The following CACNA1C variants were observed in gnomAD, a reference collection of about 807,000 sequenced individuals.
The protein encoded by CACNA1C is calcium voltage-gated channel subunit alpha1 C.
A neutral mutation model predicts 229.0 loss-of-function variants in CACNA1C; 30 were observed. That is an observed-to-expected ratio of 0.13 (90% CI 0.10 to 0.18). The LOEUF (loss-of-function observed/expected upper bound fraction) is 0.18, where lower values mean the gene tolerates loss of function less well. Ranked by LOEUF, CACNA1C falls within the 10% of genes least tolerant of loss-of-function variation. The pLI is 1.00. For synonymous variants in CACNA1C, 1,114 were observed against 1,132.5 expected, an observed-to-expected ratio of 0.98 and a Z score of 0.33; for missense variants, 1,658 against 2,845.0, an observed-to-expected ratio of 0.58 and a Z score of 9.49.
chr12:2,264,640 T>C (rs1413758550), intron 3 of CACNA1C, among the ~76,000 whole-genome samples: 1 of 152,246 alleles, frequency 6.6e-6, no homozygotes, highest in Admixed American at 6.5e-5. Context: ...GGTTTTTTAC[T>C]GCCCGATCAG....
intron 3 of CACNA1C, among the ~76,000 whole-genome samples, chr12:2,283,580 C>T (rs2154440397): frequency 6.6e-6 from 1 of 152,314 alleles, no homozygotes; most frequent in East Asian, 1.9e-4. Flanking sequence ...TAGCACCCAG[C>T]ACAGTGCCCG....
intron 3 of CACNA1C, among the ~76,000 whole-genome samples, chr12:2,389,264 G>T (rs2098445841): frequency 6.6e-6 from 1 of 152,072 alleles, no homozygotes. Context: ...GAGATGTGTT[G>T]ATCACCGGTG....
chr12:2,588,427 C>G (rs2063542873), intron 18 of CACNA1C, among the ~76,000 whole-genome samples: 1 of 152,246 alleles, frequency 6.6e-6, no homozygotes, highest in African/African-American at 2.4e-5. Flanking sequence ...CTGTCTCTCT[C>G]TTGCCCTGTC....
intron 25 of CACNA1C, 90 bp downstream of exon 25, chr12:2,606,753 C>A: frequency 1.7e-6 from 2 of 1,195,016 alleles, no homozygotes; most frequent in Non-Finnish European, 2.4e-6. Flanking sequence ...AGCTCATTTT[C>A]TAAGACTGCA....
intron 3 of CACNA1C, among the ~76,000 whole-genome samples, chr12:2,422,347 T>C (rs1389171712): frequency 2.0e-5 from 3 of 152,188 alleles, no homozygotes; most frequent in South Asian, 4.1e-4. Flanking sequence ...CAGAATCATT[T>C]CTGCAGACAA....
intron 1 of CACNA1C, among the ~76,000 whole-genome samples, chr12:2,045,206 A>G (rs2050851324): frequency 1.3e-5 from 2 of 152,216 alleles, no homozygotes; most frequent in African/African-American, 2.4e-5. Flanking sequence ...CTTAGAATGC[A>G]TTCACAGAAG....
chr12:2,196,108 A>T (rs1186141967), intron 3 of CACNA1C, among the ~76,000 whole-genome samples: 1 of 152,138 alleles, frequency 6.6e-6, no homozygotes, highest in East Asian at 1.9e-4. Flanking sequence ...TGCTTTAGAG[A>T]TTATGATGTA....
In CACNA1C at chr12:2,566,577, T is replaced by C. The variant is rs2051001363; in HGVS notation, c.1664T>C (p.Val555Ala). 2 of 1,595,886 alleles carry C rather than the reference T, an allele frequency of 1.3e-6. No homozygotes were observed. The highest frequency in any genetic ancestry group is 2.7e-5 in the African/African-American group (2 of 74,396). The stretch of plus-strand genomic sequence containing the variant: ...AACCAGCCCAACTGGCTCACAGAAG[T>C]CCAAGGTGAGCGGCGGCCCCAGCTC... ...HYNQPNWLTEVQDTANKALLA... is the reference protein window; with the variant it reads ...HYNQPNWLTEAQDTANKALLA... Residue 555 changes from valine to alanine, a missense_variant, in exon 12 of 47, where the codon GTC becomes GCC. Val to Ala is a moderately conservative substitution (Grantham distance 64, BLOSUM62 0). Around this residue, in one of 20 missense-constraint regions of CACNA1C, gnomAD observed 149 missense variants for 194.2 expected, o/e 0.77. Coordinates refer to ENST00000399655, the MANE Select transcript of CACNA1C (RefSeq NM_000719.7). The surrounding 1 kb of genome is among the most constrained non-coding windows in gnomAD (Gnocchi z 4.0).
intron 3 of CACNA1C, among the ~76,000 whole-genome samples, chr12:2,372,056 GT>G (rs749269676): frequency 6.6e-6 from 1 of 152,104 alleles, no homozygotes; most frequent in Non-Finnish European, 1.5e-5. Flanking sequence ...TTGGTTGGTT[GT>G]TTATCATTTG....
chr12:2,284,199 C>T (rs2092194132), intron 3 of CACNA1C, among the ~76,000 whole-genome samples: 1 of 151,934 alleles, frequency 6.6e-6, no homozygotes, highest in Non-Finnish European at 1.5e-5. Context: ...GTTGGGGCTT[C>T]AGCGGGGGAG....
chr12:2,438,287 ATGATGGTGG>A (rs1288532525), intron 3 of CACNA1C, among the ~76,000 whole-genome samples: 1 of 22,568 alleles, frequency 4.4e-5, no homozygotes, highest in Non-Finnish European at 9.8e-5. Flanking sequence ...GATAGTGGTA[ATGATGGTGG>A]TGGTGGTGGT....
intron 7 of CACNA1C, among the ~76,000 whole-genome samples, chr12:2,503,011 T>G (rs2099764056): frequency 2.0e-5 from 3 of 152,252 alleles, no homozygotes; most frequent in African/African-American, 7.2e-5. Context: ...TGGTGGTCCT[T>G]GGACCACACT....
intron 3 of CACNA1C, among the ~76,000 whole-genome samples, chr12:2,281,263 C>T (rs572176072): frequency 2.0e-5 from 3 of 152,258 alleles, no homozygotes; most frequent in South Asian, 2.1e-4. Context: ...GCTAATTGTG[C>T]ATTTGTTCTA....
chr12:2,391,506 C>CA (rs1159584677), intron 3 of CACNA1C, among the ~76,000 whole-genome samples: 1 of 152,108 alleles, frequency 6.6e-6, no homozygotes, highest in East Asian at 1.9e-4. Context: ...ACAGGACTGT[C>CA]AGGGAAGCCC....
In CACNA1C at chr12:2,665,746, A is replaced by G; in HGVS notation, c.4526+38A>G. 1 of 1,599,224 alleles carries G rather than the reference A, an allele frequency of 6.3e-7. No individual in the cohort carries two copies. The highest frequency in any genetic ancestry group is 8.5e-7 in the Non-Finnish European group (1 of 1,171,594). ...AGGGAAATCCTGATTCCCCAAGCTG[A>G]GAGAGGGTATAGCTGACCATACCTG... On this transcript the variant is annotated intron_variant, in intron 36 of 46. Coordinates refer to ENST00000399655, the MANE Select transcript of CACNA1C (RefSeq NM_000719.7). The surrounding 1 kb of genome is among the most constrained non-coding windows in gnomAD (Gnocchi z 5.9).
At chr12:2,088,740 C>T (rs1251212901) in intron 1 of CACNA1C, among the ~76,000 whole-genome samples, 2 of 152,112 alleles carry the variant, frequency 1.3e-5, no homozygotes, top group Non-Finnish European at 2.9e-5. Flanking sequence ...TGCAGACATG[C>T]GGAGAAGGAC....
intron 9 of CACNA1C, among the ~76,000 whole-genome samples, chr12:2,523,331 G>A (rs2099813437): frequency 6.6e-6 from 1 of 152,188 alleles, no homozygotes; most frequent in Non-Finnish European, 1.5e-5. Flanking sequence ...GTTTTGTTTG[G>A]AAGGAGATGT....
chr12:1,995,339 G>A (rs922258409), intron 1 of CACNA1C, among the ~76,000 whole-genome samples: 1 of 152,250 alleles, frequency 6.6e-6, no homozygotes, highest in African/African-American at 2.4e-5. Flanking sequence ...CGCACCCTGT[G>A]TGCATGGCAC....
intron 13 of CACNA1C, among the ~76,000 whole-genome samples, chr12:2,569,433 A>G (rs1013844568): frequency 1.3e-5 from 2 of 152,210 alleles, no homozygotes; most frequent in Admixed American, 6.5e-5. Context: ...CACCCCAGAA[A>G]GAAACTCCAT....
Sources: gnomAD v4.1 joint callset for allele counts (sites outside exome capture counted in the v4.1 genomes callset) on GRCh38, gnomAD v4.1.1 for gene constraint, gnomAD v4.1.1 regional missense constraint, Gnocchi (gnomAD v3.1) non-coding constraint, MANE v1.5 for transcripts, NCBI Gene and HGNC (gene_info 2026-07-23, HGNC 2026-07-21) for gene names.